Variants in SOX5 observed in about 807,000 individuals in gnomAD.
SOX5 encodes the protein SRY-box transcription factor 5.
A neutral mutation model predicts 92.0 loss-of-function variants in SOX5; 9 were observed. That is an observed-to-expected ratio of 0.10 (90% CI 0.06 to 0.17). SOX5 has a LOEUF of 0.17. SOX5 is among the 10% of genes least tolerant of loss of function. SOX5 has a pLI of 1.00. For synonymous variants in SOX5, 344 were observed against 336.3 expected (o/e 1.02, Z -0.25); for missense variants, 642 against 944.5 (o/e 0.68, Z 4.20).
chr12:24,083,582 G>A (rs1943621275), intron 4 of SOX5, among the ~76,000 whole-genome samples: 1 of 151,996 alleles, frequency 6.6e-6, no homozygotes, highest in Non-Finnish European at 1.5e-5. Flanking sequence ...GAAGTCAAAA[G>A]GGGAACTTCC....
intron 4 of SOX5, among the ~76,000 whole-genome samples, chr12:24,040,370 C>T (rs1172485784): frequency 6.6e-6 from 1 of 152,064 alleles, no homozygotes; most frequent in Admixed American, 6.6e-5. Context: ...CACAAATTTA[C>T]CACTTATAAA....
At chr12:23,803,786 A>G (rs1265239150) in intron 3 of SOX5, among the ~76,000 whole-genome samples, 3 of 152,218 alleles carry the variant, frequency 2.0e-5, no homozygotes, top group Non-Finnish European at 4.4e-5. Flanking sequence ...GCTGACAACC[A>G]TAAGAAAGTC....
chr12:24,505,838 TGTGTGTGTGTGTGTGC>T (rs1435764825), intron 1 of SOX5, among the ~76,000 whole-genome samples: 20 of 143,314 alleles, frequency 1.4e-4, no homozygotes, highest in Non-Finnish European at 4.5e-5. Flanking sequence ...TATGTGTGTG[TGTGTGTGTGTGTGTGC>T]GTGTGTGTGT....
intron 4 of SOX5, among the ~76,000 whole-genome samples, chr12:24,126,648 C>T (rs1027505603): frequency 6.6e-6 from 1 of 152,182 alleles, no homozygotes; most frequent in Non-Finnish European, 1.5e-5. Flanking sequence ...ATAATGTAAA[C>T]CCGACAATTG....
intron 2 of SOX5, among the ~76,000 whole-genome samples, chr12:23,863,249 G>A (rs1321819337): frequency 6.6e-6 from 1 of 152,102 alleles, no homozygotes; most frequent in African/African-American, 2.4e-5. Context: ...GTATTACAAT[G>A]CTCTTTATCA....
In SOX5 at chr12:23,533,667, G is replaced by C. The variant is rs1939565643; in HGVS notation, c.*552C>G. 1 of 152,274 alleles carries C rather than the reference G, an allele frequency of 6.6e-6. No individual in the cohort carries two copies. Among genetic ancestry groups the C allele is most frequent in the South Asian group, 2.1e-4 (1 of 4,830 alleles). The allele number at this position is 152,274 out of a possible 1,614,324, so 9.4% of individuals were successfully genotyped here. A position where few individuals can be genotyped will look rare whatever the true frequency, so the allele number is the denominator to read the frequency against. ...AAAGTAGAGAGATGGAGAAGGTGGA[G>C]AGAAGTAAAGAGAAATTCATTTTTC... is the stretch of plus-strand genomic sequence containing the variant. On this transcript the variant is annotated 3_prime_UTR_variant, in exon 15 of 15. Coordinates refer to ENST00000451604, the MANE Select transcript of SOX5 (RefSeq NM_006940.6).
At chr12:23,565,985 C>T (rs1372073924) in intron 10 of SOX5, among the ~76,000 whole-genome samples, 1 of 152,210 alleles carries the variant, frequency 6.6e-6, no homozygotes, top group African/African-American at 2.4e-5. Flanking sequence ...TACCCTCACT[C>T]TTACCTTCTG....
intron 13 of SOX5, among the ~76,000 whole-genome samples, chr12:23,537,409 G>A (rs1229992143): frequency 1.3e-5 from 2 of 152,114 alleles, no homozygotes; most frequent in Non-Finnish European, 2.9e-5. Flanking sequence ...GTACAGATCT[G>A]TGACTCAAAC....
At chr12:24,288,800 C>T (rs371433179) in intron 2 of SOX5, among the ~76,000 whole-genome samples, 1 of 151,724 alleles carries the variant, frequency 6.6e-6, no homozygotes, top group African/African-American at 2.4e-5. Context: ...CCCTCCCCAC[C>T]ACCTGCACAC....
intron 9 of SOX5, among the ~76,000 whole-genome samples, chr12:23,578,746 C>T (rs1018416542): frequency 2.0e-5 from 3 of 152,110 alleles, no homozygotes; most frequent in Admixed American, 1.3e-4. Flanking sequence ...TACTACCCAG[C>T]TGTAAATATT....
chr12:24,009,442 G>A (rs957162277), intron 4 of SOX5, among the ~76,000 whole-genome samples: 4 of 152,056 alleles, frequency 2.6e-5, no homozygotes, highest in Admixed American at 1.3e-4. Context: ...ATTTTCAGGT[G>A]TAAAATGAAC....
intron 6 of SOX5, among the ~76,000 whole-genome samples, chr12:23,700,975 A>G (rs77487006): frequency 0.027 from 4,046 of 151,826 alleles, 140 homozygotes; most frequent in East Asian, 0.14. Flanking sequence ...ATATACAAAC[A>G]CACACATATA....
chr12:23,899,541 TAG>T (rs2097211208), intron 1 of SOX5, among the ~76,000 whole-genome samples: 1 of 152,164 alleles, frequency 6.6e-6, no homozygotes, highest in Admixed American at 6.5e-5. Context: ...TCTTATCCTT[TAG>T]AGATGATTTT....
chr12:24,433,838 T>C (rs1055657155), intron 1 of SOX5, among the ~76,000 whole-genome samples: 3 of 152,010 alleles, frequency 2.0e-5, no homozygotes, highest in African/African-American at 7.2e-5. Flanking sequence ...GTGCCATGGG[T>C]GCGGATGAGC....
intron 3 of SOX5, chr12:23,762,699 T>A (rs551212084): frequency 4.5e-5 from 20 of 444,858 alleles, no homozygotes; most frequent in African/African-American, 4.0e-4. Flanking sequence ...ACTTAAATCA[T>A]TAGTCATAGG....
intron 1 of SOX5, among the ~76,000 whole-genome samples, chr12:23,899,355 C>T (rs2097208844): frequency 6.8e-6 from 1 of 147,344 alleles, no homozygotes; most frequent in Non-Finnish European, 1.5e-5. Context: ...GAGCCGAGAT[C>T]ACACCATTGC....
At chr12:23,733,610 A>C (rs1244211415) in intron 6 of SOX5, among the ~76,000 whole-genome samples, 1 of 152,180 alleles carries the variant, frequency 6.6e-6, no homozygotes, top group Non-Finnish European at 1.5e-5. Flanking sequence ...AGGTCTGCTA[A>C]ATCCATCAAA....
chr12:24,289,012 T>C (rs1357836131), intron 2 of SOX5, among the ~76,000 whole-genome samples: 1 of 152,132 alleles, frequency 6.6e-6, no homozygotes, highest in African/African-American at 2.4e-5. Context: ...AAACTTAAAC[T>C]TTTTCTTTCA....
At chr12:24,200,154 A>G (rs1957377463) in intron 4 of SOX5, among the ~76,000 whole-genome samples, 1 of 152,216 alleles carries the variant, frequency 6.6e-6, no homozygotes, top group Non-Finnish European at 1.5e-5. Context: ...GCACTATGCC[A>G]TAGTGAAAAG....
Sources: allele counts gnomAD v4.1 joint callset (sites outside exome capture counted in the v4.1 genomes callset), GRCh38; gene constraint gnomAD v4.1.1; transcripts MANE v1.5; gene names NCBI Gene and HGNC (gene_info 2026-07-23, HGNC 2026-07-21).